The following IL34 variants were observed in gnomAD, a reference collection of about 807,000 sequenced individuals.
IL34 encodes the protein interleukin 34, also known as interleukin-34.
Under a neutral mutation model 25.3 loss-of-function variants are expected in IL34, and 17 were observed. That is an observed-to-expected ratio of 0.67 (90% CI 0.46 to 1.01). IL34 has a LOEUF of 1.01. Ranked by LOEUF, IL34 falls within the 50% of genes least tolerant of loss-of-function variation. The pLI is 0.00. For synonymous variants in IL34, 174 were observed against 140.9 expected (o/e 1.23, Z -1.66); for missense variants, 368 against 312.9 (o/e 1.18, Z -1.33).
intron 1 of IL34, among the ~76,000 whole-genome samples, chr16:70,625,181 G>A (rs1394540259): frequency 1.3e-5 from 2 of 151,998 alleles, no homozygotes; most frequent in Non-Finnish European, 2.9e-5. Flanking sequence ...GAGTTGAAGA[G>A]GTTTTAAGTT....
At chr16:70,636,584 G>GTC (rs1407744745) in intron 1 of IL34, among the ~76,000 whole-genome samples, 5 of 97,948 alleles carry the variant, frequency 5.1e-5, no homozygotes, top group Admixed American at 2.6e-4. Flanking sequence ...AGCAAACCCT[G>GTC]TCACACACAC....
chr16:70,616,925 C>T (rs1158756196), intron 1 of IL34, among the ~76,000 whole-genome samples: 1 of 152,042 alleles, frequency 6.6e-6, no homozygotes, highest in African/African-American at 2.4e-5. Flanking sequence ...ATTCCTGCCG[C>T]CTTATATTAA....
upstream of IL34, among the ~76,000 whole-genome samples, chr16:70,645,098 A>AG (rs1172299745): frequency 2.3e-5 from 3 of 132,132 alleles, no homozygotes; most frequent in Non-Finnish European, 4.8e-5. Flanking sequence ...AGGAAGGAGG[A>AG]GGGGGAAAGA....
chr16:70,623,842 G>C (rs1016179560), intron 1 of IL34, among the ~76,000 whole-genome samples: 15 of 151,060 alleles, frequency 9.9e-5, no homozygotes, highest in Non-Finnish European at 2.1e-4. Context: ...CACCAGAGTT[G>C]GGGAGTTCTA....
intron 1 of IL34, among the ~76,000 whole-genome samples, chr16:70,591,780 G>A (rs2050757869): frequency 6.6e-6 from 1 of 152,180 alleles, no homozygotes; most frequent in Non-Finnish European, 1.5e-5. Flanking sequence ...CTGCAGATGA[G>A]GAAACTGAGG....
chr16:70,626,039 C>T (rs921481416), intron 1 of IL34, among the ~76,000 whole-genome samples: 1 of 152,228 alleles, frequency 6.6e-6, no homozygotes, highest in Non-Finnish European at 1.5e-5. Context: ...GAGAAGAGAC[C>T]ACCACACAGG....
rs748188942 is a variant in IL34 at position 70,660,083 on chromosome 16, G to A, written c.625G>A (p.Ala209Thr). The change falls in exon 6 of 6, where the codon GCC (alanine) becomes ACC (threonine). Residue 209 changes from alanine to threonine, a missense_variant. Physicochemically the swap from Ala to Thr is moderately conservative, Grantham distance 58. Coordinates refer to ENST00000288098, the MANE Select transcript of IL34 (RefSeq NM_001393494.1). ...CSPEPSLQYA[A>T]TQLYPPPPWS... Reference sequence around the variant, plus strand: ...CCCAGAGCCCTCATTGCAGTATGCGGCCACCCAGCTGTACCCTCCGCCCCC... The same window carrying A: ...CCCAGAGCCCTCATTGCAGTATGCGACCACCCAGCTGTACCCTCCGCCCCC... 6.2e-6 allele frequency: 10 copies of A among 1,613,724 alleles called. No individual in the cohort carries two copies. The South Asian group carries it at 8.8e-5, about 14-fold the overall frequency.
upstream of IL34, among the ~76,000 whole-genome samples, chr16:70,644,925 A>AGG (rs1321559171): frequency 5.2e-4 from 28 of 53,692 alleles, no homozygotes; most frequent in South Asian, 1.9e-3. Context: ...GAGAAGGAGG[A>AGG]GGAAGGAGGA....
At chr16:70,654,977 T>C (rs1392690794) in intron 2 of IL34, among the ~76,000 whole-genome samples, 2 of 152,188 alleles carry the variant, frequency 1.3e-5, no homozygotes, top group Non-Finnish European at 1.5e-5. Context: ...CAGGCACTTA[T>C]TAGCCAGGGA....
Position 70,660,629 on chromosome 16 carries a change from A to G in IL34, c.*442A>G, listed in dbSNP as rs1355751711. On this transcript the variant is annotated 3_prime_UTR_variant, in exon 6 of 6. Transcript: ENST00000288098. ...GCGGTGCCAAGTGCCACATCTTGCC[A>G]TAGTGGATGCTCTTCCAGTTTCTTT... 2 of 166,810 alleles carry G rather than the reference A, an allele frequency of 1.2e-5. No homozygotes were observed. The highest frequency in any genetic ancestry group is 2.6e-5 in the Non-Finnish European group (2 of 77,918). The allele number at this position is 166,810 out of a possible 1,614,324, so 10.3% of individuals were successfully genotyped here.
At chr16:70,645,266 T>G (rs957705044), upstream of IL34, among the ~76,000 whole-genome samples, 4 of 152,102 alleles carry the variant, frequency 2.6e-5, no homozygotes, top group Non-Finnish European at 5.9e-5. Context: ...GGGATTAACT[T>G]GAACAACCCG....
At chr16:70,580,566 A>G (rs2050625676) in intron 1 of IL34, among the ~76,000 whole-genome samples, 1 of 152,170 alleles carries the variant, frequency 6.6e-6, no homozygotes, top group African/African-American at 2.4e-5. Flanking sequence ...GGATCACTTG[A>G]GGTCAGGAGT....
At chr16:70,623,283 C>T (rs1450536900) in intron 1 of IL34, among the ~76,000 whole-genome samples, 1 of 151,902 alleles carries the variant, frequency 6.6e-6, no homozygotes. Flanking sequence ...GCTTGAGATC[C>T]AGAACATAAT....
At chr16:70,630,866 C>G (rs2051503261) in intron 1 of IL34, among the ~76,000 whole-genome samples, 1 of 152,136 alleles carries the variant, frequency 6.6e-6, no homozygotes, top group Non-Finnish European at 1.5e-5. Context: ...AGCCACCAAG[C>G]TCGGGTCACA....
chr16:70,581,400 CTTT>C (rs756338626), intron 1 of IL34, among the ~76,000 whole-genome samples: 2 of 141,540 alleles, frequency 1.4e-5, no homozygotes. Context: ...GTGGAAATAA[CTTT>C]TTTTTTTTTT....
chr16:70,652,803 C>T (rs371449480), intron 1 of IL34, among the ~76,000 whole-genome samples: 36 of 152,222 alleles, frequency 2.4e-4, no homozygotes, highest in Non-Finnish European at 4.4e-4. Context: ...TTGAAGGGTG[C>T]GGATACTACT....
intron 1 of IL34, among the ~76,000 whole-genome samples, chr16:70,592,758 G>T (rs537858313): frequency 6.6e-6 from 1 of 152,018 alleles, no homozygotes; most frequent in Non-Finnish European, 1.5e-5. Context: ...GGGTGCAAGC[G>T]ATTCTCCTGC....
At chr16:70,654,191 C>T (rs941487961) in intron 1 of IL34, 6 of 197,196 alleles carry the variant, frequency 3.0e-5, no homozygotes, top group Non-Finnish European at 5.1e-5. Flanking sequence ...ACATATCACC[C>T]GGACACCAGG....
chr16:70,581,659 G>A (rs1285344497), intron 1 of IL34, among the ~76,000 whole-genome samples: 2 of 152,170 alleles, frequency 1.3e-5, no homozygotes, highest in East Asian at 3.9e-4. Context: ...ACAGTCTAAC[G>A]CAGTGGTTAG....
Sources: gnomAD v4.1 joint callset for allele counts (sites outside exome capture counted in the v4.1 genomes callset) on GRCh38, gnomAD v4.1.1 for gene constraint, MANE v1.5 for transcripts, NCBI Gene and HGNC (gene_info 2026-07-23, HGNC 2026-07-21) for gene names.